Variants in TPST1 observed in about 807,000 individuals in gnomAD.
TPST1 encodes tyrosylprotein sulfotransferase 1, also known as protein-tyrosine sulfotransferase 1.
In TPST1, 20 loss-of-function variants were observed where a neutral mutation model predicts 34.8. The observed-to-expected ratio is 0.57, with a 90% CI of 0.40 to 0.84. The LOEUF (loss-of-function observed/expected upper bound fraction) is 0.84. Ranked by LOEUF, TPST1 falls within the 40% of genes least tolerant of loss-of-function variation. The pLI, the probability that TPST1 is intolerant of heterozygous loss-of-function variation, is 0.00. For synonymous variants in TPST1, 152 were observed against 159.4 expected (o/e 0.95, Z 0.35); for missense variants, 353 against 455.5 (o/e 0.78, Z 2.05).
At chr7:66,257,794 G>A (rs143905718) in intron 2 of TPST1, among the ~76,000 whole-genome samples, 122 of 152,178 alleles carry the variant, frequency 8.0e-4, no homozygotes, top group African/African-American at 2.9e-3. Flanking sequence ...TTGTTGAGTC[G>A]CGAGGACCTA....
At chr7:66,318,623 C>T (rs937305596) in intron 3 of TPST1, among the ~76,000 whole-genome samples, 6 of 152,092 alleles carry the variant, frequency 3.9e-5, no homozygotes, top group East Asian at 3.9e-4. Flanking sequence ...CCCGCCACCA[C>T]GCCTGGCCAA....
chr7:66,230,419 G>T (rs1789753895), intron 1 of TPST1, among the ~76,000 whole-genome samples: 1 of 152,182 alleles, frequency 6.6e-6, no homozygotes, highest in African/African-American at 2.4e-5. Context: ...AGCTCTTAAG[G>T]TGGTGCGTCT....
chr7:66,216,100 ACT>A (rs1245215296), intron 1 of TPST1, among the ~76,000 whole-genome samples: 3 of 151,774 alleles, frequency 2.0e-5, no homozygotes, highest in Admixed American at 6.6e-5. Flanking sequence ...ATTTTAAATT[ACT>A]CTTTCACTTG....
intron 3 of TPST1, among the ~76,000 whole-genome samples, chr7:66,321,720 C>T (rs558160096): frequency 2.6e-5 from 4 of 152,334 alleles, no homozygotes; most frequent in Admixed American, 1.3e-4. Context: ...GTAAGAACTT[C>T]AGTTCTTCTA....
At chr7:66,296,716 C>A in intron 3 of TPST1, among the ~76,000 whole-genome samples, 1 of 105,678 alleles carries the variant, frequency 9.5e-6, no homozygotes, top group East Asian at 3.0e-4. Context: ...TCTGGGTAGT[C>A]TGCAAGTAAT....
At chr7:66,352,736 C>T (rs1012578962) in intron 4 of TPST1, 181 bp downstream of exon 4, 1 of 985,266 alleles carries the variant, frequency 1.0e-6, no homozygotes, top group African/African-American at 1.7e-5. Context: ...TTGATTTTAA[C>T]AATAATTTAA....
At chr7:66,235,235 G>A (rs1013297977) in intron 1 of TPST1, among the ~76,000 whole-genome samples, 4 of 148,234 alleles carry the variant, frequency 2.7e-5, no homozygotes, top group Non-Finnish European at 4.4e-5. Flanking sequence ...GCCCAGACTG[G>A]AGTACAATGG....
chr7:66,211,140 TA>T (rs1789235583), intron 1 of TPST1, among the ~76,000 whole-genome samples: 1 of 152,094 alleles, frequency 6.6e-6, no homozygotes, highest in Admixed American at 6.6e-5. Flanking sequence ...ATTTTATTTT[TA>T]TTTTTTTTTT....
At chr7:66,278,052 A>G (rs1790854188) in intron 2 of TPST1, among the ~76,000 whole-genome samples, 1 of 123,104 alleles carries the variant, frequency 8.1e-6, no homozygotes, top group South Asian at 2.8e-4. Flanking sequence ...GTGTGCTGAG[A>G]TTGTGCCACT....
At chr7:66,303,870 A>G (rs574476908) in intron 3 of TPST1, among the ~76,000 whole-genome samples, 1 of 152,322 alleles carries the variant, frequency 6.6e-6, no homozygotes, top group African/African-American at 2.4e-5. Context: ...TAGAAAAAGA[A>G]TATGCCAGGA....
chr7:66,263,193 G>C (rs1007644700), intron 2 of TPST1, among the ~76,000 whole-genome samples: 8 of 152,184 alleles, frequency 5.3e-5, no homozygotes, highest in Non-Finnish European at 1.0e-4. Context: ...TTAGGGTAAA[G>C]GTGGGGGTGC....
chr7:66,226,453 T>A (rs866852745), intron 1 of TPST1, among the ~76,000 whole-genome samples: 4 of 152,270 alleles, frequency 2.6e-5, no homozygotes, highest in Middle Eastern at 3.4e-3. Flanking sequence ...TAAAGACCCC[T>A]CTTAGGACTG....
At chr7:66,318,551 CCCCCT>C (rs1791683950) in intron 3 of TPST1, among the ~76,000 whole-genome samples, 1 of 152,058 alleles carries the variant, frequency 6.6e-6, no homozygotes, top group South Asian at 2.1e-4. Context: ...ACTGCAACCT[CCCCCT>C]CCTGGGTTCA....
At chr7:66,301,254 C>G (rs558979244) in intron 3 of TPST1, among the ~76,000 whole-genome samples, 1 of 152,272 alleles carries the variant, frequency 6.6e-6, no homozygotes, top group African/African-American at 2.4e-5. Flanking sequence ...CTCTCACAGC[C>G]TTTATAAAAT....
chr7:66,272,948 G>C (rs1353203210), intron 2 of TPST1, among the ~76,000 whole-genome samples: 1 of 152,118 alleles, frequency 6.6e-6, no homozygotes, highest in Non-Finnish European at 1.5e-5. Context: ...TTAAGCAAGA[G>C]ACAGAAATAA....
chr7:66,250,844 A>G (rs975530548), intron 2 of TPST1, among the ~76,000 whole-genome samples: 5 of 152,228 alleles, frequency 3.3e-5, no homozygotes, highest in Non-Finnish European at 7.3e-5. Context: ...GCACTGCGAT[A>G]CTGCTACAGT....
intron 4 of TPST1, among the ~76,000 whole-genome samples, chr7:66,354,918 C>T (rs560477279): frequency 4.0e-5 from 6 of 150,614 alleles, no homozygotes; most frequent in Middle Eastern, 7.0e-3. Flanking sequence ...ACCTGAGCCC[C>T]AGAGGTTGAA....
chr7:66,227,978 C>T (rs1276555679), intron 1 of TPST1, among the ~76,000 whole-genome samples: 1 of 152,068 alleles, frequency 6.6e-6, no homozygotes, highest in Non-Finnish European at 1.5e-5. Flanking sequence ...CAAATAAATG[C>T]TGGTAAATCC....
At chr7:66,201,684 C>A (rs1350747137), upstream of TPST1, among the ~76,000 whole-genome samples, 2 of 151,340 alleles carry the variant, frequency 1.3e-5, no homozygotes, top group East Asian at 1.9e-4. Flanking sequence ...GAGCGAGACT[C>A]TGTCTAAAAA....
Sources: gnomAD v4.1 joint callset for allele counts (sites outside exome capture counted in the v4.1 genomes callset) on GRCh38, gnomAD v4.1.1 for gene constraint, MANE v1.5 for transcripts, NCBI Gene and HGNC (gene_info 2026-07-23, HGNC 2026-07-21) for gene names.